RAPGEF4: variants seen among roughly 807,000 people sequenced by gnomAD.
The protein encoded by RAPGEF4 is Rap guanine nucleotide exchange factor 4.
Under a neutral mutation model 147.9 loss-of-function variants are expected in RAPGEF4, and 66 were observed. That is an observed-to-expected ratio of 0.45 (90% confidence interval 0.37 to 0.55). The LOEUF (loss-of-function observed/expected upper bound fraction) is 0.55, where lower values mean the gene tolerates loss of function less well. RAPGEF4 is among the 20% of genes least tolerant of loss of function. The pLI is 0.00. For missense variants in RAPGEF4, 1,071 were observed against 1,257.3 expected, an observed-to-expected ratio of 0.85 and a Z score of 2.24; for synonymous variants, 419 against 442.7, an observed-to-expected ratio of 0.95 and a Z score of 0.67.
At chr2:173,041,624 C>T (rs1234103740) in intron 29 of RAPGEF4, among the ~76,000 whole-genome samples, 2 of 152,146 alleles carry the variant, frequency 1.3e-5, no homozygotes, top group South Asian at 4.1e-4. Context: ...GGAAAGAAAA[C>T]TTCATGCAGT....
rs576012321 is a variant in RAPGEF4, at chr2:172,996,755, T to C, written c.1579+201T>C. On this transcript the variant is annotated intron_variant, in intron 16 of 30. Coordinates refer to ENST00000397081, the MANE Select transcript of RAPGEF4 (RefSeq NM_007023.4). ...CTTCCCTCCCCAATCCTGACTGTTC[T>C]CTAGAAATGACTCAGCCTCATTTCT... Among the ~76,000 whole-genome samples the C allele has an allele frequency of 3.9e-5, 6 of 152,348 alleles. No homozygotes were observed. In the South Asian group the frequency reaches 1.2e-3, roughly 32 times the overall value.
chr2:172,761,103 CT>C (rs57509750), intron 1 of RAPGEF4, among the ~76,000 whole-genome samples: 18 of 139,584 alleles, frequency 1.3e-4, no homozygotes, highest in African/African-American at 3.4e-4. Context: ...ATTTTTCTTT[CT>C]TTTTTTTTTT....
chr2:172,827,810 T>C (rs72908196), intron 4 of RAPGEF4, among the ~76,000 whole-genome samples: 2,283 of 152,302 alleles, frequency 0.015, 19 homozygotes, highest in South Asian at 0.033. Context: ...GTGGTGATGA[T>C]GATTGGATGC....
chr2:172,962,840 G>A (rs991024953), intron 8 of RAPGEF4, among the ~76,000 whole-genome samples: 1 of 152,122 alleles, frequency 6.6e-6, no homozygotes, highest in South Asian at 2.1e-4. Flanking sequence ...ACATTTGTAA[G>A]TCCTGTTCTC....
At chr2:172,779,442 G>A (rs555144966) in intron 1 of RAPGEF4, among the ~76,000 whole-genome samples, 64 of 152,262 alleles carry the variant, frequency 4.2e-4, no homozygotes, top group African/African-American at 1.5e-3. Context: ...AGGAATAGTT[G>A]TTGCAAGGGC....
chr2:172,770,689 T>A (rs1419679908), intron 1 of RAPGEF4, among the ~76,000 whole-genome samples: 1 of 152,196 alleles, frequency 6.6e-6, no homozygotes, highest in African/African-American at 2.4e-5. Context: ...GAGTGTTAAA[T>A]GGAAAGAATT....
At chr2:173,019,886 C>T (rs944962635) in intron 22 of RAPGEF4, among the ~76,000 whole-genome samples, 3 of 152,166 alleles carry the variant, frequency 2.0e-5, no homozygotes, top group African/African-American at 7.2e-5. Flanking sequence ...CTAGACCCCA[C>T]CCCTGTGATA....
At chr2:172,963,396 A>G (rs1309543141) in intron 8 of RAPGEF4, among the ~76,000 whole-genome samples, 2 of 152,226 alleles carry the variant, frequency 1.3e-5, no homozygotes, top group Non-Finnish European at 2.9e-5. Flanking sequence ...AAGATCTCAT[A>G]TGGTTAAAGG....
At position 173,048,633 on chromosome 2, in the gene RAPGEF4, T is replaced by C; in HGVS notation, c.2887T>C (p.Tyr963His). 5 of 1,614,168 alleles carry C rather than the reference T, an allele frequency of 3.1e-6. No homozygotes were observed. Among genetic ancestry groups the C allele is most frequent in the Non-Finnish European group, 1.7e-6 (2 of 1,180,022 alleles). ...MIANTARTVR[Y>H]YRSQPFNPDA... Reference sequence around the variant, plus strand: ...TGCAAATACGGCCAGAACAGTGAGATACTACAGGAGCCAACCCTTCAGTAA... The same window carrying C: ...TGCAAATACGGCCAGAACAGTGAGACACTACAGGAGCCAACCCTTCAGTAA... Residue 963 changes from tyrosine (Y) to histidine (H), a missense_variant, in exon 30 of 31, where the codon TAC becomes CAC. Coordinates refer to ENST00000397081, the MANE Select transcript of RAPGEF4 (RefSeq NM_007023.4).
At chr2:173,038,273 C>T (rs1684302973) in intron 29 of RAPGEF4, among the ~76,000 whole-genome samples, 1 of 152,166 alleles carries the variant, frequency 6.6e-6, no homozygotes. Context: ...TCTGACTTCC[C>T]AGAAAGAAAA....
intron 4 of RAPGEF4, among the ~76,000 whole-genome samples, chr2:172,903,237 C>T (rs1360656959): frequency 6.6e-6 from 1 of 151,918 alleles, no homozygotes; most frequent in Admixed American, 6.6e-5. Flanking sequence ...GGCATCGTGG[C>T]GGGCACCTGT....
At chr2:173,030,042 A>T (rs1697037278) in intron 25 of RAPGEF4, 122 bp from the exon 26 acceptor site, 1 of 644,470 alleles carries the variant, frequency 1.6e-6, no homozygotes. Context: ...TAAATCTATC[A>T]TTGCCTGTTC....
chr2:172,912,970 A>G (rs901339510), intron 4 of RAPGEF4, among the ~76,000 whole-genome samples: 3 of 141,288 alleles, frequency 2.1e-5, no homozygotes, highest in Admixed American at 7.8e-5. Context: ...ATCTCGGCTC[A>G]CTGCAACCTC....
intron 1 of RAPGEF4, among the ~76,000 whole-genome samples, chr2:172,750,475 G>A (rs1192973232): frequency 1.3e-5 from 2 of 151,920 alleles, no homozygotes; most frequent in Non-Finnish European, 2.9e-5. Flanking sequence ...ACAGTATGGG[G>A]GAAACTGCTC....
intron 11 of RAPGEF4, 90 bp from the exon 12 acceptor site, chr2:172,985,343 G>GT: frequency 6.3e-7 from 1 of 1,586,440 alleles, no homozygotes; most frequent in Non-Finnish European, 8.6e-7. Context: ...CCCCGGGACA[G>GT]TTTGCATTGT....
At chr2:172,803,510 A>C (rs552291088) in intron 3 of RAPGEF4, among the ~76,000 whole-genome samples, 1 of 152,192 alleles carries the variant, frequency 6.6e-6, no homozygotes, top group Non-Finnish European at 1.5e-5. Context: ...GGCTTGGCCC[A>C]TGAAACCATT....
intron 6 of RAPGEF4, among the ~76,000 whole-genome samples, chr2:172,926,447 G>A (rs1264834861): frequency 6.6e-6 from 1 of 152,188 alleles, no homozygotes. Flanking sequence ...TAGTGTGGAA[G>A]GAGCTGGAGA....
chr2:172,902,758 C>T (rs1488368162), intron 4 of RAPGEF4, among the ~76,000 whole-genome samples: 2 of 152,090 alleles, frequency 1.3e-5, no homozygotes, highest in Non-Finnish European at 2.9e-5. Flanking sequence ...TAAGAACATA[C>T]CCTGCAGAGA....
rs1696848863 is a variant in RAPGEF4 at position 172,883,519 on chromosome 2, G to C, written c.445-34283G>C. On this transcript the variant is annotated intron_variant, in intron 4 of 30. Coordinates refer to ENST00000397081, the MANE Select transcript of RAPGEF4 (RefSeq NM_007023.4). ...TCAAACCCTAGCATACTTCTGACAA[G>C]TGGTCAAAAACATTCATATTGGAGT... 2.0e-5 allele frequency among the ~76,000 whole-genome samples: 3 copies of C among 152,124 alleles called. No homozygotes were observed. In the South Asian group the frequency reaches 6.2e-4, roughly 32 times the overall value.
Sources: gnomAD v4.1 joint callset for allele counts (sites outside exome capture counted in the v4.1 genomes callset) on GRCh38, gnomAD v4.1.1 for gene constraint, MANE v1.5 for transcripts, NCBI Gene and HGNC (gene_info 2026-07-23, HGNC 2026-07-21) for gene names.